CNTN5: variants seen among roughly 807,000 people sequenced by gnomAD.
The protein encoded by CNTN5 is contactin 5.
A neutral mutation model predicts 129.1 loss-of-function variants in CNTN5; 77 were observed. That is an observed-to-expected ratio of 0.60 (90% CI 0.50 to 0.72). CNTN5 has a LOEUF of 0.72. Ranked by LOEUF, CNTN5 falls within the 30% of genes least tolerant of loss-of-function variation. CNTN5 has a pLI of 0.00. For missense variants in CNTN5, 1,478 were observed against 1,328.8 expected (o/e 1.11, Z -1.75); for synonymous variants, 509 against 465.6 (o/e 1.09, Z -1.20).
At chr11:99,231,752 G>T (rs1412398660) in intron 1 of CNTN5, among the ~76,000 whole-genome samples, 1 of 152,074 alleles carries the variant, frequency 6.6e-6, no homozygotes, top group Non-Finnish European at 1.5e-5. Flanking sequence ...GTATTGCGTA[G>T]ATTTTCTTCT....
chr11:100,044,113 C>G (rs1483345305), intron 9 of CNTN5, among the ~76,000 whole-genome samples: 1 of 147,268 alleles, frequency 6.8e-6, no homozygotes, highest in Non-Finnish European at 1.5e-5. Context: ...CACACACACA[C>G]ACACGTATAG....
intron 2 of CNTN5, among the ~76,000 whole-genome samples, chr11:99,450,046 G>A (rs190842814): frequency 6.6e-6 from 1 of 152,134 alleles, no homozygotes; most frequent in Non-Finnish European, 1.5e-5. Context: ...CAATATTAAA[G>A]TCAAATTACC....
chr11:99,617,662 A>T (rs1261176775), intron 3 of CNTN5, among the ~76,000 whole-genome samples: 1 of 152,170 alleles, frequency 6.6e-6, no homozygotes, highest in Non-Finnish European at 1.5e-5. Context: ...GAATATTGAG[A>T]TCAATATATT....
At chr11:99,068,714 T>C (rs964136045) in intron 1 of CNTN5, among the ~76,000 whole-genome samples, 1 of 152,084 alleles carries the variant, frequency 6.6e-6, no homozygotes, top group Non-Finnish European at 1.5e-5. Flanking sequence ...ATGTAGTAAA[T>C]CGTTAAGTAT....
At chr11:100,062,939 A>T (rs1943542029) in intron 10 of CNTN5, among the ~76,000 whole-genome samples, 1 of 152,166 alleles carries the variant, frequency 6.6e-6, no homozygotes, top group Non-Finnish European at 1.5e-5. Flanking sequence ...TTATTCTCAC[A>T]CCAACAGTTT....
chr11:99,480,506 T>G (rs1359165708), intron 2 of CNTN5, among the ~76,000 whole-genome samples: 1 of 152,184 alleles, frequency 6.6e-6, no homozygotes, highest in East Asian at 1.9e-4. Context: ...GTAGAACATA[T>G]GGAACAATGG....
chr11:99,824,735 AT>A (rs1452377274), intron 4 of CNTN5, among the ~76,000 whole-genome samples: 1 of 151,902 alleles, frequency 6.6e-6, no homozygotes, highest in Admixed American at 6.6e-5. Context: ...ACATGAAATT[AT>A]TTTTGTATGT....
intron 13 of CNTN5, among the ~76,000 whole-genome samples, chr11:100,102,604 G>A (rs1050488438): frequency 6.6e-6 from 1 of 150,588 alleles, no homozygotes; most frequent in Non-Finnish European, 1.5e-5. Flanking sequence ...TGTAAAAAGT[G>A]GTCAAAAACT....
At chr11:99,312,367 G>A (rs1176935853) in intron 1 of CNTN5, among the ~76,000 whole-genome samples, 1 of 152,050 alleles carries the variant, frequency 6.6e-6, no homozygotes, top group African/African-American at 2.4e-5. Context: ...TATATATCCT[G>A]TATGAGCCTT....
At chr11:99,502,655 C>G in intron 2 of CNTN5, among the ~76,000 whole-genome samples, 1 of 152,122 alleles carries the variant, frequency 6.6e-6, no homozygotes, top group Admixed American at 6.5e-5. Flanking sequence ...ATTACCCAGT[C>G]TCAGGCAGTT....
intron 3 of CNTN5, among the ~76,000 whole-genome samples, chr11:99,698,681 C>T (rs1012383534): frequency 5.3e-5 from 8 of 151,460 alleles, no homozygotes; most frequent in African/African-American, 1.9e-4. Context: ...CCAATACTCC[C>T]ATTTTGTTTT....
At chr11:99,527,592 C>T (rs972837044) in intron 2 of CNTN5, among the ~76,000 whole-genome samples, 2 of 151,650 alleles carry the variant, frequency 1.3e-5, no homozygotes, top group Non-Finnish European at 2.9e-5. Context: ...ACAAAAGTGA[C>T]AAGGTAAACA....
chr11:99,384,850 C>A (rs1348551662), intron 2 of CNTN5, among the ~76,000 whole-genome samples: 1 of 152,022 alleles, frequency 6.6e-6, no homozygotes, highest in African/African-American at 2.4e-5. Context: ...AGCTAATTAC[C>A]ATATCTATCA....
intron 6 of CNTN5, among the ~76,000 whole-genome samples, chr11:99,888,148 G>A (rs1948948494): frequency 6.6e-6 from 1 of 152,046 alleles, no homozygotes. Flanking sequence ...ACATATTTAT[G>A]CTCATTATAT....
intron 6 of CNTN5, among the ~76,000 whole-genome samples, chr11:99,855,776 A>C (rs1411786949): frequency 1.3e-5 from 2 of 152,092 alleles, no homozygotes; most frequent in Admixed American, 6.6e-5. Flanking sequence ...TAGAGTCTGC[A>C]CTCTCACATC....
At chr11:99,035,472 T>C in intron 1 of CNTN5, among the ~76,000 whole-genome samples, 1 of 151,912 alleles carries the variant, frequency 6.6e-6, no homozygotes, top group Non-Finnish European at 1.5e-5. Context: ...GGTGCATATA[T>C]ATTTAGGATG....
intron 2 of CNTN5, among the ~76,000 whole-genome samples, chr11:99,347,030 G>A (rs1937937537): frequency 1.3e-5 from 2 of 152,182 alleles, no homozygotes; most frequent in South Asian, 2.1e-4. Flanking sequence ...GAGACACTAT[G>A]TTGTTTTGTA....
intron 1 of CNTN5, among the ~76,000 whole-genome samples, chr11:99,130,090 C>G (rs1382789677): frequency 6.6e-6 from 1 of 152,052 alleles, no homozygotes; most frequent in East Asian, 1.9e-4. Context: ...ATTATGATGA[C>G]AGGATCAAAT....
chr11:99,686,881 C>A (rs540317129), intron 3 of CNTN5, among the ~76,000 whole-genome samples: 1 of 152,080 alleles, frequency 6.6e-6, no homozygotes, highest in Non-Finnish European at 1.5e-5. Flanking sequence ...CTTTATTTTG[C>A]CAGCCAAATT....
Sources: gnomAD v4.1 joint callset for allele counts (sites outside exome capture counted in the v4.1 genomes callset) on GRCh38, gnomAD v4.1.1 for gene constraint, MANE v1.5 for transcripts, NCBI Gene and HGNC (gene_info 2026-07-23, HGNC 2026-07-21) for gene names.